Variants in ZFYVE9 observed in about 807,000 individuals in gnomAD.
ZFYVE9 encodes zinc finger FYVE domain-containing protein 9.
Under a neutral mutation model 126.7 loss-of-function variants are expected in ZFYVE9, and 43 were observed. The ratio of observed to expected loss-of-function variants is 0.34; its 90% confidence interval spans 0.27 to 0.44. ZFYVE9 has a LOEUF of 0.44. ZFYVE9 is among the 20% of genes least tolerant of loss of function. The pLI is 1.00. For missense variants in ZFYVE9, 1,476 were observed against 1,697.0 expected, an observed-to-expected ratio of 0.87 and a Z score of 2.29; for synonymous variants, 521 against 597.4, an observed-to-expected ratio of 0.87 and a Z score of 1.87.
chr1:52,187,357 A>G (rs1012445895), intron 1 of ZFYVE9, among the ~76,000 whole-genome samples: 8 of 152,216 alleles, frequency 5.3e-5, no homozygotes, highest in Non-Finnish European at 1.2e-4. Context: ...CCAAAAGTAT[A>G]AAAACCCTGG....
Position 52,219,800 on chromosome 1 carries a change from TGTGG to T in ZFYVE9, c.-37+3327_-37+3330del, listed in dbSNP as rs201106217. Among the ~76,000 whole-genome samples, 762 of 138,164 alleles carry T rather than the reference TGTGG, an allele frequency of 5.5e-3. 4 individuals are homozygous for T. Among genetic ancestry groups the T allele is most frequent in the Middle Eastern group, 0.026 (7 of 274 alleles). The allele number at this position is 138,164 out of a possible 152,430, so 90.6% of individuals were successfully genotyped here. A position where few individuals can be genotyped will look rare whatever the true frequency, so the allele number is the denominator to read the frequency against. On this transcript the variant is annotated intron_variant, in intron 2 of 18. Transcript: ENST00000287727. ...GTGTGTGTGTGTGTGTGTGTGTGTGTGTGGCAGAGTCTTACTCTGTCGCCCGGGC... is the reference window on the plus strand; with the variant it reads ...GTGTGTGTGTGTGTGTGTGTGTGTGTCAGAGTCTTACTCTGTCGCCCGGGC...
Position 52,237,620 on chromosome 1 carries a change from A to C in ZFYVE9, c.203A>C (p.Gln68Pro). ...ESAVSNESQP[Q>P]LKVFSLAHSA... is the part of the protein sequence containing the mutation. ...GCAGTTTCTAATGAGTCACAACCAC[A>C]ACTGAAAGTCTTCTCCCTGGCTCAT... Residue 68 changes from glutamine to proline, a missense_variant, in exon 4 of 19, where the codon CAA (glutamine) becomes CCA (proline). By Grantham distance (76) the Gln-to-Pro change is moderately conservative (BLOSUM62 -1). Around this residue, in one of 2 missense-constraint regions of ZFYVE9, gnomAD observed 807 missense variants for 794.6 expected, o/e 1.02. Transcript: ENST00000287727. 6.2e-7 allele frequency: 1 copy of C among 1,614,098 alleles called. No homozygotes were observed. The highest frequency in any genetic ancestry group is 1.1e-5 in the South Asian group (1 of 91,080).
intron 1 of ZFYVE9, chr1:52,162,726 G>T: frequency 6.6e-6 from 2 of 301,632 alleles, no homozygotes; most frequent in South Asian, 5.5e-5. Flanking sequence ...AGACATTGGA[G>T]AATGACTTCG....
chr1:52,320,949 T>C (rs1024239474), intron 13 of ZFYVE9, among the ~76,000 whole-genome samples: 2 of 152,204 alleles, frequency 1.3e-5, no homozygotes, highest in Non-Finnish European at 2.9e-5. Context: ...TGCAGTGATA[T>C]AGCCAAAGAG....
intron 12 of ZFYVE9, among the ~76,000 whole-genome samples, chr1:52,297,242 CTT>C (rs767708782): frequency 3.7e-4 from 50 of 133,968 alleles, no homozygotes; most frequent in Admixed American, 3.0e-4. Flanking sequence ...AAAAACATTT[CTT>C]TTTTTTTTTT....
intron 1 of ZFYVE9, among the ~76,000 whole-genome samples, chr1:52,166,528 A>G (rs1644515164): frequency 6.6e-6 from 1 of 152,236 alleles, no homozygotes; most frequent in Non-Finnish European, 1.5e-5. Flanking sequence ...AAATGTTTTA[A>G]TAATACAGGG....
At chr1:52,216,717 T>G (rs1645075281) in intron 2 of ZFYVE9, among the ~76,000 whole-genome samples, 1 of 152,210 alleles carries the variant, frequency 6.6e-6, no homozygotes, top group South Asian at 2.1e-4. Flanking sequence ...GCTGGCTCCT[T>G]CGTTTTAGAG....
chr1:52,197,299 A>C (rs1644869452), intron 1 of ZFYVE9, among the ~76,000 whole-genome samples: 1 of 152,116 alleles, frequency 6.6e-6, no homozygotes, highest in Admixed American at 6.6e-5. Context: ...TGATATAGAG[A>C]ATAGAGAAGA....
intron 1 of ZFYVE9, among the ~76,000 whole-genome samples, chr1:52,186,739 A>G (rs1644768820): frequency 6.6e-6 from 1 of 152,220 alleles, no homozygotes; most frequent in African/African-American, 2.4e-5. Context: ...TAAAGTATTA[A>G]TACGTAGGAA....
chr1:52,267,432 T>G (rs960665019), intron 6 of ZFYVE9, among the ~76,000 whole-genome samples: 1 of 152,210 alleles, frequency 6.6e-6, no homozygotes, highest in African/African-American at 2.4e-5. Context: ...TATTGTCAGA[T>G]GAAAGGCACT....
At position 52,340,131 on chromosome 1, in the gene ZFYVE9, T is replaced by C; in HGVS notation, c.3839T>C (p.Val1280Ala). Residue 1280 changes from valine to alanine, a missense_variant, in exon 17 of 19, where the codon GTA becomes GCA. This residue lies in a region of ZFYVE9 where 669 missense variants were observed against 902.4 expected (regional missense o/e 0.74). Transcript: ENST00000287727. ...TTCCTTTGCCTCTATTTTAGTGTCG[T>C]AAGTCCTATAGATGGGAAGTCCATG... The part of the protein sequence containing the change: ...DDDKNVSKGV[V>A]SPIDGKSMET... 1 of 1,612,508 alleles carries C rather than the reference T, an allele frequency of 6.2e-7. No individual in the cohort carries two copies. The highest frequency in any genetic ancestry group is 8.5e-7 in the Non-Finnish European group (1 of 1,178,698).
At position 52,142,131 on chromosome 1, in the gene ZFYVE9, C is replaced by G. The variant is rs1301611513; in HGVS notation, c.-415C>G. 1 of 151,338 alleles carries G rather than the reference C, an allele frequency of 6.6e-6. No individual in the cohort carries two copies. Among genetic ancestry groups the G allele is most frequent in the Non-Finnish European group, 1.5e-5 (1 of 67,738 alleles). 9.4% of individuals were successfully genotyped at this position (151,338 alleles called of 1,614,324 possible). A position where few individuals can be genotyped will look rare whatever the true frequency, so the allele number is the denominator to read the frequency against. Reference sequence around the variant, plus strand: ...TCGCTGAGGATCCCCGCCTGCCGCACCTCGGTCGTCCCGCCGCAGCCTTGC... The same window carrying G: ...TCGCTGAGGATCCCCGCCTGCCGCAGCTCGGTCGTCCCGCCGCAGCCTTGC... On this transcript the variant is annotated 5_prime_UTR_variant, in exon 1 of 19. Transcript: ENST00000287727. This position sits in a 1 kb window ranked among gnomAD's most constrained non-coding sequence, Gnocchi z 4.5.
intron 1 of ZFYVE9, among the ~76,000 whole-genome samples, chr1:52,210,100 A>T (rs1045477889): frequency 1.3e-5 from 2 of 152,144 alleles, no homozygotes; most frequent in South Asian, 2.1e-4. Context: ...TGTTCGATTG[A>T]ATGTAGAGTT....
At chr1:52,184,923 G>A (rs944861521) in intron 1 of ZFYVE9, among the ~76,000 whole-genome samples, 1 of 152,142 alleles carries the variant, frequency 6.6e-6, no homozygotes, top group Non-Finnish European at 1.5e-5. Flanking sequence ...GGGAGGACAA[G>A]GGGGAGGATT....
At chr1:52,173,414 T>C (rs1182093213) in intron 1 of ZFYVE9, among the ~76,000 whole-genome samples, 1 of 152,238 alleles carries the variant, frequency 6.6e-6, no homozygotes, top group Non-Finnish European at 1.5e-5. Flanking sequence ...CAGTATTTTA[T>C]TGAGGATTTT....
intron 12 of ZFYVE9, among the ~76,000 whole-genome samples, chr1:52,297,204 C>CAATTCA (rs1645985397): frequency 6.6e-6 from 1 of 150,920 alleles, no homozygotes; most frequent in Non-Finnish European, 1.5e-5. Context: ...GTCACAGACT[C>CAATTCA]AATTCAAAGT....
At chr1:52,294,987 A>T (rs1183080449) in intron 11 of ZFYVE9, among the ~76,000 whole-genome samples, 2 of 152,192 alleles carry the variant, frequency 1.3e-5, no homozygotes, top group African/African-American at 4.8e-5. Context: ...CAGGCAGATC[A>T]TTTGAGGTCA....
At chr1:52,281,424 C>T (rs775912437) in intron 9 of ZFYVE9, among the ~76,000 whole-genome samples, 36 of 152,260 alleles carry the variant, frequency 2.4e-4, no homozygotes, top group Non-Finnish European at 3.4e-4. Flanking sequence ...TGAGCCACCT[C>T]GGCCGTCCTC....
rs1346417056 is a variant in ZFYVE9 at position 52,194,705 on chromosome 1, C to A, written c.-142-21664C>A. 2.0e-5 allele frequency among the ~76,000 whole-genome samples: 3 copies of A among 152,088 alleles called. No individual in the cohort carries two copies. In the East Asian group the frequency reaches 5.8e-4, roughly 29 times the overall value. ...TATTAAAATTTAAAATGTGCACTAC[C>A]TTTCTCTCAAACTTTGCTTTTAGAT... is the stretch of plus-strand genomic sequence containing the variant. On this transcript the variant is annotated intron_variant, in intron 1 of 18. Transcript: ENST00000287727.
Sources: allele counts gnomAD v4.1 joint callset (sites outside exome capture counted in the v4.1 genomes callset), GRCh38; gene constraint gnomAD v4.1.1; regional missense constraint gnomAD v4.1.1; non-coding constraint Gnocchi (gnomAD v3.1); transcripts MANE v1.5; gene names NCBI Gene and HGNC (gene_info 2026-07-23, HGNC 2026-07-21).